The following DPH6 variants were observed in gnomAD, a reference collection of about 807,000 sequenced individuals.
DPH6 encodes the protein diphthine--ammonia ligase.
Under a neutral mutation model 38.2 loss-of-function variants are expected in DPH6, and 33 were observed. That is an observed-to-expected ratio of 0.86 (90% confidence interval 0.65 to 1.15). The LOEUF (loss-of-function observed/expected upper bound fraction) is 1.15. Among genes scored for constraint, DPH6 ranks in the 50% most tolerant of loss-of-function variants. The pLI, the probability that DPH6 is intolerant of heterozygous loss-of-function variation, is 0.00. For missense variants in DPH6, 325 were observed against 320.0 expected, an observed-to-expected ratio of 1.02 and a Z score of -0.12; for synonymous variants, 108 against 103.0, an observed-to-expected ratio of 1.05 and a Z score of -0.30.
chr15:35,542,564 A>G (rs2055269504), intron 1 of DPH6, 57 bp from the exon 2 acceptor site: 2 of 1,430,744 alleles, frequency 1.4e-6, no homozygotes, highest in East Asian at 4.6e-5. Context: ...TATTCAACAT[A>G]AAATCACTAG....
At chr15:35,307,968 C>T (rs993402667) in intron 3 of DPH6, among the ~76,000 whole-genome samples, 3 of 152,076 alleles carry the variant, frequency 2.0e-5, no homozygotes, top group African/African-American at 7.2e-5. Flanking sequence ...CACAATTAAC[C>T]TCTGAGGAAA....
At chr15:35,211,599 T>G in the DPH6 span, among the ~76,000 whole-genome samples, 1 of 152,212 alleles carries the variant, frequency 6.6e-6, no homozygotes, top group Non-Finnish European at 1.5e-5. Context: ...TCAATCTATA[T>G]ATACATCCTC....
intron 3 of DPH6, among the ~76,000 whole-genome samples, chr15:35,300,356 T>C (rs959723706): frequency 1.3e-5 from 2 of 152,152 alleles, no homozygotes; most frequent in African/African-American, 2.4e-5. Flanking sequence ...GAATAAATCA[T>C]GGAGGAGGCA....
Position 35,473,937 on chromosome 15 carries a change from T to C in DPH6, c.313-19117A>G, listed in dbSNP as rs1016067346. On this transcript the variant is annotated intron_variant, in intron 3 of 8. Transcript: ENST00000256538. ...CAGTGTGTGTGTGTGTGTGTGTGTGTGTGTGTGTGTGTGTGTGTGTGCGCG... is the reference window on the plus strand; with the variant it reads ...CAGTGTGTGTGTGTGTGTGTGTGTGCGTGTGTGTGTGTGTGTGTGTGCGCG... Among the ~76,000 whole-genome samples the C allele has an allele frequency of 5.1e-4, 47 of 92,580 alleles. 1 individual carries two copies. The South Asian group carries it at 0.022, about 44-fold the overall frequency. 60.7% of individuals were successfully genotyped at this position (92,580 alleles called of 152,430 possible).
At chr15:35,430,597 T>C (rs1052206443) in intron 5 of DPH6, among the ~76,000 whole-genome samples, 1 of 152,104 alleles carries the variant, frequency 6.6e-6, no homozygotes, top group Non-Finnish European at 1.5e-5. Context: ...CTAAAACTAT[T>C]TGTGGTATTT....
At chr15:35,441,950 G>A (rs905462348) in intron 5 of DPH6, among the ~76,000 whole-genome samples, 3 of 152,022 alleles carry the variant, frequency 2.0e-5, no homozygotes, top group Admixed American at 6.5e-5. Context: ...AAACATAGGA[G>A]TAAATCTCGT....
intron 4 of DPH6, among the ~76,000 whole-genome samples, chr15:35,452,737 C>T (rs2053951867): frequency 6.6e-6 from 1 of 152,098 alleles, no homozygotes; most frequent in African/African-American, 2.4e-5. Context: ...ATGTGAACTA[C>T]CCATGTAATA....
the DPH6 span, among the ~76,000 whole-genome samples, chr15:35,200,983 CTTT>C: frequency 8.1e-6 from 1 of 123,876 alleles, no homozygotes; most frequent in Non-Finnish European, 1.6e-5. Context: ...AATAATTTCC[CTTT>C]TTTTTTTTTT....
intron 3 of DPH6, among the ~76,000 whole-genome samples, chr15:35,275,895 G>T (rs2051855050): frequency 6.6e-6 from 1 of 152,098 alleles, no homozygotes; most frequent in African/African-American, 2.4e-5. Flanking sequence ...TGTGAATTGT[G>T]CTGCTGTAAA....
intron 3 of DPH6, among the ~76,000 whole-genome samples, chr15:35,473,485 A>C (rs1001807993): frequency 7.0e-6 from 1 of 143,652 alleles, no homozygotes; most frequent in Non-Finnish European, 1.5e-5. Flanking sequence ...AAACTGCCCA[A>C]TTATCTCAAT....
intron 5 of DPH6, among the ~76,000 whole-genome samples, chr15:35,425,032 C>T (rs1025743513): frequency 5.9e-5 from 9 of 151,706 alleles, no homozygotes; most frequent in East Asian, 1.9e-4. Flanking sequence ...ATGTGACCTA[C>T]GTACATTTCT....
chr15:35,459,734 T>C (rs1305725825), intron 3 of DPH6, among the ~76,000 whole-genome samples: 1 of 151,904 alleles, frequency 6.6e-6, no homozygotes, highest in Non-Finnish European at 1.5e-5. Context: ...AGTGAAGACG[T>C]TCGAAAAGAG....
chr15:35,174,066 C>T, the DPH6 span, among the ~76,000 whole-genome samples: 1 of 152,150 alleles, frequency 6.6e-6, no homozygotes, highest in African/African-American at 2.4e-5. Context: ...TATCTCACTA[C>T]TGTCCTTATT....
At chr15:35,177,600 AATCATC>A in the DPH6 span, among the ~76,000 whole-genome samples, 102 of 134,458 alleles carry the variant, frequency 7.6e-4, 2 homozygotes, top group African/African-American at 9.7e-4. Context: ...AAAAAAAAAA[AATCATC>A]ATCATCATCA....
chr15:35,164,843 A>G, the DPH6 span, among the ~76,000 whole-genome samples: 3 of 151,900 alleles, frequency 2.0e-5, no homozygotes, highest in Non-Finnish European at 4.4e-5. Context: ...CTTTTGGAAA[A>G]TTAAATGTAA....
chr15:35,218,857 AT>A (rs2051425699), exon 4 of DPH6: 1 of 152,180 alleles, frequency 6.6e-6, no homozygotes, highest in Non-Finnish European at 1.5e-5. Context: ...TTGAAAAAAA[AT>A]GTATGTTTTC....
the DPH6 span, among the ~76,000 whole-genome samples, chr15:35,152,471 C>T: frequency 1.3e-5 from 2 of 152,014 alleles, no homozygotes; most frequent in African/African-American, 2.4e-5. Context: ...CTCAGAAAAA[C>T]GATTATATTG....
chr15:35,270,291 T>G (rs573185479), intron 3 of DPH6, among the ~76,000 whole-genome samples: 3 of 152,198 alleles, frequency 2.0e-5, no homozygotes, highest in African/African-American at 7.2e-5. Flanking sequence ...CCATGTTGCA[T>G]TGAAGTGGAA....
intron 6 of DPH6, among the ~76,000 whole-genome samples, chr15:35,388,368 C>G (rs2053002280): frequency 6.6e-6 from 1 of 152,110 alleles, no homozygotes; most frequent in Non-Finnish European, 1.5e-5. Flanking sequence ...AAATGAGTTA[C>G]AGAGGATTTC....
Sources: gnomAD v4.1 joint callset for allele counts (sites outside exome capture counted in the v4.1 genomes callset) on GRCh38, gnomAD v4.1.1 for gene constraint, MANE v1.5 for transcripts, NCBI Gene and HGNC (gene_info 2026-07-23, HGNC 2026-07-21) for gene names.